Variants in GRIN3A observed in about 807,000 individuals in gnomAD.
GRIN3A encodes glutamate ionotropic receptor NMDA type subunit 3A.
In GRIN3A, 47 loss-of-function variants were observed where a neutral mutation model predicts 92.4. The ratio of observed to expected loss-of-function variants is 0.51; its 90% CI spans 0.40 to 0.65. The LOEUF (loss-of-function observed/expected upper bound fraction) is 0.65. Among genes scored for constraint, GRIN3A ranks in the 30% least tolerant of loss-of-function variants. The pLI is 0.00. For missense variants in GRIN3A, 1,324 were observed against 1,393.1 expected, an observed-to-expected ratio of 0.95 and a Z score of 0.79; for synonymous variants, 527 against 540.6, an observed-to-expected ratio of 0.97 and a Z score of 0.35.
intron 1 of GRIN3A, among the ~76,000 whole-genome samples, chr9:101,724,341 C>T (rs558702615): frequency 5.2e-4 from 79 of 152,314 alleles, no homozygotes; most frequent in African/African-American, 1.6e-3. Context: ...GTACGCCCTC[C>T]GCAGCCTCTG....
At chr9:101,642,437 A>G (rs1006424136) in intron 3 of GRIN3A, among the ~76,000 whole-genome samples, 1 of 152,288 alleles carries the variant, frequency 6.6e-6, no homozygotes, top group South Asian at 2.1e-4. Context: ...TATGAATATG[A>G]CTCTAAAAGC....
intron 6 of GRIN3A, chr9:101,595,035 T>C (rs1268542172): frequency 1.3e-5 from 15 of 1,133,738 alleles, no homozygotes; most frequent in Admixed American, 2.7e-5. Context: ...GGTAGAGGGC[T>C]CCCGGGGGCC....
chr9:101,573,902 A>G (rs1380227719), intron 8 of GRIN3A, among the ~76,000 whole-genome samples: 1 of 151,958 alleles, frequency 6.6e-6, no homozygotes. Context: ...CTTTAATAAA[A>G]GCAAAATCTA....
rs1827736192 is a variant in GRIN3A at position 101,569,942 on chromosome 9, C to A, written c.*3232G>T. 6.6e-6 allele frequency: 1 copy of A among 152,188 alleles called. No homozygotes were observed. The allele number at this position is 152,188 out of a possible 1,614,324, so 9.4% of individuals were successfully genotyped here. On this transcript the variant is annotated 3_prime_UTR_variant, in exon 9 of 9. Coordinates refer to ENST00000361820, the MANE Select transcript of GRIN3A (RefSeq NM_133445.3). Reference sequence around the variant, plus strand: ...TTCTGCTTGGCACTTGCTCCGCTTACCACTTTTCTGGCTGGAAGGGAAGCA... The same window carrying A: ...TTCTGCTTGGCACTTGCTCCGCTTAACACTTTTCTGGCTGGAAGGGAAGCA...
chr9:101,736,034 A>G lies in GRIN3A; in HGVS notation c.699+1247T>C, dbSNP rs191027379. On this transcript the variant is annotated intron_variant, in intron 1 of 8. Coordinates refer to ENST00000361820, the MANE Select transcript of GRIN3A (RefSeq NM_133445.3). ...CCTTGACAATTTATGCATAGATTCT[A>G]TCAAACTTTTCATTGTACATTGCCC... Among the ~76,000 whole-genome samples the G allele has an allele frequency of 7.7e-4, 118 of 152,360 alleles. 1 individual carries two copies. Among genetic ancestry groups the G allele is most frequent in the Admixed American group, 9.8e-4 (15 of 15,310 alleles).
chr9:101,639,645 C>G (rs796120825), intron 3 of GRIN3A, among the ~76,000 whole-genome samples: 1 of 152,188 alleles, frequency 6.6e-6, no homozygotes, highest in South Asian at 2.1e-4. Flanking sequence ...TTTGGCACAG[C>G]TACTCAAATC....
chr9:101,642,195 T>C (rs1828875414), intron 3 of GRIN3A, among the ~76,000 whole-genome samples: 1 of 152,158 alleles, frequency 6.6e-6, no homozygotes, highest in South Asian at 2.1e-4. Flanking sequence ...CAACTAATCT[T>C]CAATGAAGGT....
At chr9:101,683,844 CAGTGAGAGAGAGAGAG>C (rs1829494729) in intron 2 of GRIN3A, among the ~76,000 whole-genome samples, 1 of 79,090 alleles carries the variant, frequency 1.3e-5, no homozygotes, top group African/African-American at 3.5e-5. Flanking sequence ...GAGAGAGAGA[CAGTGAGAGAGAGAGAG>C]AGAGAGAGAG....
intron 1 of GRIN3A, among the ~76,000 whole-genome samples, chr9:101,728,463 T>C (rs1036703378): frequency 2.6e-5 from 4 of 152,174 alleles, no homozygotes; most frequent in African/African-American, 9.7e-5. Context: ...CCACTTGCAG[T>C]GTGATGAAAA....
intron 6 of GRIN3A, among the ~76,000 whole-genome samples, chr9:101,611,842 G>A (rs1203498040): frequency 6.6e-6 from 1 of 152,182 alleles, no homozygotes; most frequent in East Asian, 1.9e-4. Flanking sequence ...ATATTGGTCT[G>A]GGATTATCAG....
intron 1 of GRIN3A, among the ~76,000 whole-genome samples, chr9:101,696,686 A>G (rs10512287): frequency 0.13 from 19,926 of 152,220 alleles, 1,588 homozygotes; most frequent in Admixed American, 0.19. Context: ...TGAAATATGC[A>G]CCAGATAATT....
intron 1 of GRIN3A, among the ~76,000 whole-genome samples, chr9:101,691,364 T>C (rs1829616253): frequency 6.6e-6 from 1 of 152,086 alleles, no homozygotes; most frequent in Non-Finnish European, 1.5e-5. Flanking sequence ...AATGAAATAA[T>C]AGGGTCCAGC....
intron 3 of GRIN3A, among the ~76,000 whole-genome samples, chr9:101,639,611 C>T (rs1387174342): frequency 6.6e-6 from 1 of 152,322 alleles, no homozygotes; most frequent in East Asian, 1.9e-4. Flanking sequence ...TATAAATTTA[C>T]CTCCAGTCTA....
chr9:101,607,470 G>C (rs1013472515), intron 6 of GRIN3A, among the ~76,000 whole-genome samples: 1 of 152,154 alleles, frequency 6.6e-6, no homozygotes, highest in African/African-American at 2.4e-5. Flanking sequence ...GAATCCTCAG[G>C]TGTCAGGGGC....
chr9:101,722,191 G>T (rs374019787), intron 1 of GRIN3A, among the ~76,000 whole-genome samples: 39 of 152,260 alleles, frequency 2.6e-4, no homozygotes, highest in African/African-American at 9.2e-4. Context: ...TGGCTTCAGA[G>T]GGTGGAAGCC....
intron 3 of GRIN3A, among the ~76,000 whole-genome samples, chr9:101,641,204 C>T (rs1399407664): frequency 6.6e-6 from 1 of 152,180 alleles, no homozygotes; most frequent in Non-Finnish European, 1.5e-5. Flanking sequence ...TAAACTAGTT[C>T]AACCATTGTG....
intron 3 of GRIN3A, among the ~76,000 whole-genome samples, chr9:101,656,955 C>A (rs997801275): frequency 1.3e-5 from 2 of 151,826 alleles, no homozygotes; most frequent in Non-Finnish European, 2.9e-5. Context: ...CCCTGAAATT[C>A]ATCAAACCGC....
chr9:101,660,099 A>G (rs1049052518), intron 3 of GRIN3A, among the ~76,000 whole-genome samples: 6 of 151,822 alleles, frequency 4.0e-5, no homozygotes, highest in African/African-American at 1.4e-4. Context: ...GACCCACTGA[A>G]TGATTCTAAT....
chr9:101,715,890 T>G (rs1314307665), intron 1 of GRIN3A, among the ~76,000 whole-genome samples: 1 of 152,224 alleles, frequency 6.6e-6, no homozygotes, highest in Non-Finnish European at 1.5e-5. Context: ...GTGAATCTTT[T>G]GCCTTGTAAA....
Sources: allele counts gnomAD v4.1 joint callset (sites outside exome capture counted in the v4.1 genomes callset), GRCh38; gene constraint gnomAD v4.1.1; transcripts MANE v1.5; gene names NCBI Gene and HGNC (gene_info 2026-07-23, HGNC 2026-07-21).